CNTNAP2: variants seen among roughly 807,000 people sequenced by gnomAD.
CNTNAP2 encodes contactin associated protein 2.
A neutral mutation model predicts 155.2 loss-of-function variants in CNTNAP2; 98 were observed. The observed-to-expected ratio is 0.63, with a 90% CI of 0.54 to 0.75. The LOEUF (loss-of-function observed/expected upper bound fraction) is 0.75. CNTNAP2 is among the 30% of genes least tolerant of loss of function. CNTNAP2 has a pLI of 0.00. For synonymous variants in CNTNAP2, 651 were observed against 631.2 expected (o/e 1.03, Z -0.47); for missense variants, 1,727 against 1,688.1 (o/e 1.02, Z -0.40).
chr7:146,572,923 A>G (rs372726728), intron 1 of CNTNAP2, among the ~76,000 whole-genome samples: 1 of 152,268 alleles, frequency 6.6e-6, no homozygotes, highest in East Asian at 1.9e-4. Flanking sequence ...GAAAGAAAGG[A>G]TTGTTTAACA....
At chr7:147,691,294 C>T (rs933063504) in intron 13 of CNTNAP2, among the ~76,000 whole-genome samples, 5 of 151,940 alleles carry the variant, frequency 3.3e-5, no homozygotes, top group African/African-American at 4.8e-5. Context: ...ACATTTTTTC[C>T]GTTCTCTCTT....
At chr7:147,478,714 A>G (rs1362438810) in intron 10 of CNTNAP2, among the ~76,000 whole-genome samples, 1 of 152,226 alleles carries the variant, frequency 6.6e-6, no homozygotes, top group African/African-American at 2.4e-5. Context: ...GACATTGCAC[A>G]TGGCACTTCC....
chr7:147,365,328 C>A (rs534296044), intron 9 of CNTNAP2, among the ~76,000 whole-genome samples: 1 of 141,112 alleles, frequency 7.1e-6, no homozygotes, highest in East Asian at 2.1e-4. Flanking sequence ...TGAGACGAGA[C>A]CAGGCCATTG....
At chr7:147,375,615 T>C (rs1004988850) in intron 9 of CNTNAP2, among the ~76,000 whole-genome samples, 11 of 152,052 alleles carry the variant, frequency 7.2e-5, no homozygotes, top group Admixed American at 7.2e-4. Context: ...TCATGATACA[T>C]TCTGCCTCTT....
At chr7:146,595,891 A>C (rs1164553760) in intron 1 of CNTNAP2, among the ~76,000 whole-genome samples, 1 of 152,090 alleles carries the variant, frequency 6.6e-6, no homozygotes, top group South Asian at 2.1e-4. Flanking sequence ...GTTGAGTTAT[A>C]GTCACACTTT....
chr7:148,194,854 A>C (rs185283552), intron 18 of CNTNAP2, among the ~76,000 whole-genome samples: 1 of 152,320 alleles, frequency 6.6e-6, no homozygotes, highest in African/African-American at 2.4e-5. Flanking sequence ...CAGATCTACT[A>C]TACTCAGCCT....
rs1190764456 is a variant in CNTNAP2 at position 147,253,276 on chromosome 7, A to G, written c.1349-46865A>G. 2.0e-5 allele frequency among the ~76,000 whole-genome samples: 3 copies of G among 152,146 alleles called. No homozygotes were observed. In the East Asian group the frequency reaches 5.8e-4, roughly 29 times the overall value. ...GTTATTCTGGAATCTAATATAGAAA[A>G]TGACCCAGAAGCACCATTTTTAACA... On this transcript the variant is annotated intron_variant, in intron 8 of 23. Transcript: ENST00000361727.
At chr7:147,049,923 G>A (rs13243939) in intron 4 of CNTNAP2, among the ~76,000 whole-genome samples, 222 of 152,262 alleles carry the variant, frequency 1.5e-3, no homozygotes, top group Non-Finnish European at 2.7e-3. Context: ...GAAATAAGAC[G>A]CTGACTCTAT....
In CNTNAP2 at chr7:147,893,032, C is replaced by T. The variant is rs144142367; in HGVS notation, c.2099-10533C>T. 1.5e-3 allele frequency among the ~76,000 whole-genome samples: 232 copies of T among 152,288 alleles called. 2 individuals are homozygous for T. Among genetic ancestry groups the T allele is most frequent in the African/African-American group, 5.5e-3 (227 of 41,576 alleles). ...ACCAGGTTTTCCCAAACTCACATCACCATCTGCAGTAGGGACTCCACAGGA... is the reference window on the plus strand; with the variant it reads ...ACCAGGTTTTCCCAAACTCACATCATCATCTGCAGTAGGGACTCCACAGGA... On this transcript the variant is annotated intron_variant, in intron 13 of 23. Coordinates refer to ENST00000361727, the MANE Select transcript of CNTNAP2 (RefSeq NM_014141.6).
At chr7:147,812,814 G>T (rs1798202533) in intron 13 of CNTNAP2, among the ~76,000 whole-genome samples, 1 of 152,144 alleles carries the variant, frequency 6.6e-6, no homozygotes, top group Non-Finnish European at 1.5e-5. Flanking sequence ...TCACATAAAA[G>T]TTGAGTCCCC....
chr7:148,179,688 G>T (rs1296559518), intron 18 of CNTNAP2, among the ~76,000 whole-genome samples: 3 of 150,854 alleles, frequency 2.0e-5, no homozygotes, highest in Non-Finnish European at 4.4e-5. Context: ...GAAAGAAAGG[G>T]AAAGAAAGAA....
At chr7:146,631,470 C>T (rs1430430630) in intron 1 of CNTNAP2, among the ~76,000 whole-genome samples, 3 of 152,072 alleles carry the variant, frequency 2.0e-5, no homozygotes, top group Admixed American at 6.6e-5. Flanking sequence ...CCAAGGCTTT[C>T]GGTTCTGTCC....
intron 1 of CNTNAP2, among the ~76,000 whole-genome samples, chr7:146,592,402 C>G (rs1369343249): frequency 2.0e-5 from 3 of 152,200 alleles, no homozygotes; most frequent in African/African-American, 4.8e-5. Flanking sequence ...CCCAAAGTTA[C>G]TACACACTGC....
intron 21 of CNTNAP2, among the ~76,000 whole-genome samples, chr7:148,371,947 TC>T (rs35461687): frequency 0.33 from 50,357 of 152,094 alleles, 8,752 homozygotes; most frequent in Non-Finnish European, 0.39. Flanking sequence ...ATGCCTGTAA[TC>T]CCGGCACTTT....
intron 13 of CNTNAP2, among the ~76,000 whole-genome samples, chr7:147,800,639 C>T (rs1797969125): frequency 6.6e-6 from 1 of 152,106 alleles, no homozygotes; most frequent in Non-Finnish European, 1.5e-5. Context: ...ATTGCTTCAG[C>T]CATTTAGACA....
intron 8 of CNTNAP2, among the ~76,000 whole-genome samples, chr7:147,238,540 T>G (rs1803866977): frequency 6.6e-6 from 1 of 152,212 alleles, no homozygotes; most frequent in Admixed American, 6.5e-5. Context: ...TATCGAAAAT[T>G]TTCATTTTGT....
At chr7:147,899,435 G>C (rs1435416693) in intron 13 of CNTNAP2, among the ~76,000 whole-genome samples, 1 of 152,152 alleles carries the variant, frequency 6.6e-6, no homozygotes, top group East Asian at 1.9e-4. Context: ...CTAATCAGTG[G>C]GCATAAAAGC....
chr7:147,022,622 A>G (rs1481005404), intron 3 of CNTNAP2, among the ~76,000 whole-genome samples: 1 of 119,522 alleles, frequency 8.4e-6, no homozygotes, highest in South Asian at 2.6e-4. Flanking sequence ...TTTTTTTTTT[A>G]TTACTAACCT....
At chr7:147,751,784 A>G (rs1797139634) in intron 13 of CNTNAP2, among the ~76,000 whole-genome samples, 1 of 152,250 alleles carries the variant, frequency 6.6e-6, no homozygotes, top group South Asian at 2.1e-4. Flanking sequence ...CTACAAAAAT[A>G]CTAAGAAAAA....
Sources: allele counts gnomAD v4.1 joint callset (sites outside exome capture counted in the v4.1 genomes callset), GRCh38; gene constraint gnomAD v4.1.1; transcripts MANE v1.5; gene names NCBI Gene and HGNC (gene_info 2026-07-23, HGNC 2026-07-21).